The following ACTN4 variants were observed in gnomAD, a reference collection of about 807,000 sequenced individuals.
ACTN4 encodes the protein alpha-actinin-4.
Under a neutral mutation model 114.2 loss-of-function variants are expected in ACTN4, and 18 were observed. The ratio of observed to expected loss-of-function variants is 0.16; its 90% CI spans 0.11 to 0.23. The LOEUF (loss-of-function observed/expected upper bound fraction) is 0.23. ACTN4 is among the 10% of genes least tolerant of loss of function. ACTN4 has a pLI of 1.00. For synonymous variants in ACTN4, 515 were observed against 506.3 expected, an observed-to-expected ratio of 1.02 and a Z score of -0.23; for missense variants, 722 against 1,262.9, an observed-to-expected ratio of 0.57 and a Z score of 6.49.
rs373178103 is a variant in ACTN4 at position 38,686,998 on chromosome 19, CTG to C, written c.163-13600_163-13599del. 1.4e-4 allele frequency among the ~76,000 whole-genome samples: 21 copies of C among 145,210 alleles called. No individual in the cohort carries two copies. In the South Asian group the frequency reaches 4.0e-3, roughly 27 times the overall value. On this transcript the variant is annotated intron_variant, in intron 1 of 20. Transcript: ENST00000252699. ...TTTTTTTTTGAGACAGAGTCTCACTCTGTTGCCCAGGCTGGAGTACAGTGGCA... is the reference window on the plus strand; with the variant it reads ...TTTTTTTTTGAGACAGAGTCTCACTCTTGCCCAGGCTGGAGTACAGTGGCA...
intron 3 of ACTN4, among the ~76,000 whole-genome samples, chr19:38,704,335 C>G (rs749245650): frequency 6.6e-6 from 1 of 152,144 alleles, no homozygotes; most frequent in African/African-American, 2.4e-5. Flanking sequence ...GCTGCTGTGT[C>G]GATGTGGATT....
intron 1 of ACTN4, among the ~76,000 whole-genome samples, chr19:38,667,615 G>C (rs1473345679): frequency 6.6e-6 from 1 of 151,926 alleles, no homozygotes; most frequent in Non-Finnish European, 1.5e-5. Context: ...AAGGCAGCGT[G>C]GTAAGTTAGA....
Position 38,713,257 on chromosome 19 carries a change from C to T in ACTN4, c.820-1212C>T, listed in dbSNP as rs565490885. Among the ~76,000 whole-genome samples, 11 of 152,334 alleles carry T rather than the reference C, an allele frequency of 7.2e-5. No individual in the cohort carries two copies. The South Asian group carries it at 1.7e-3, about 23-fold the overall frequency. ...TCACTCATTCAGCAACCCTGAACAC[C>T]GCCAGTGCACTGAGCCCCAAGCTGG... On this transcript the variant is annotated intron_variant, in intron 8 of 20. Transcript: ENST00000252699.
At chr19:38,688,802 G>C (rs1328639819) in intron 1 of ACTN4, among the ~76,000 whole-genome samples, 1 of 152,160 alleles carries the variant, frequency 6.6e-6, no homozygotes, top group Non-Finnish European at 1.5e-5. Flanking sequence ...CAGAAAGTCA[G>C]ATAATAAGTA....
In ACTN4 at chr19:38,729,536, C is replaced by T; in HGVS notation, c.*104C>T. On this transcript the variant is annotated 3_prime_UTR_variant, in exon 21 of 21. Coordinates refer to ENST00000252699, the MANE Select transcript of ACTN4 (RefSeq NM_004924.6). ...CTGTATCTATGCAAAGCACTCTCTG[C>T]AGTCCTCCGGGGTGGGTGGGTGGGC... is the stretch of plus-strand genomic sequence containing the variant. 1 of 625,832 alleles carries T rather than the reference C, an allele frequency of 1.6e-6. No individual in the cohort carries two copies. Among genetic ancestry groups the T allele is most frequent in the Non-Finnish European group, 2.5e-6 (1 of 404,126 alleles). 38.8% of individuals were successfully genotyped at this position (625,832 alleles called of 1,614,324 possible). A position where few individuals can be genotyped will look rare whatever the true frequency, so the allele number is the denominator to read the frequency against.
Position 38,657,413 on chromosome 19 carries a change from G to A in ACTN4, c.162+9506G>A, listed in dbSNP as rs756210880. ...CCACCTTGGCCCAACAAAGTGCTGG[G>A]GTTACAGGCATGAGCCACTGTGCCC... On this transcript the variant is annotated intron_variant, in intron 1 of 20. Transcript: ENST00000252699. Among the ~76,000 whole-genome samples, 4 of 152,112 alleles carry A rather than the reference G, an allele frequency of 2.6e-5. No homozygotes were observed. In the South Asian group the frequency reaches 6.2e-4, roughly 24 times the overall value.
At chr19:38,699,052 G>C (rs747469678) in intron 1 of ACTN4, among the ~76,000 whole-genome samples, 1 of 152,234 alleles carries the variant, frequency 6.6e-6, no homozygotes, top group Non-Finnish European at 1.5e-5. Flanking sequence ...GCAGATGGAG[G>C]GGGTGGGGTA....
At chr19:38,693,138 C>T (rs967784795) in intron 1 of ACTN4, among the ~76,000 whole-genome samples, 1 of 152,060 alleles carries the variant, frequency 6.6e-6, no homozygotes, top group Admixed American at 6.6e-5. Context: ...AGGCAGCAAA[C>T]GTTTTTTTCT....
At chr19:38,683,548 T>C (rs552813468) in intron 1 of ACTN4, among the ~76,000 whole-genome samples, 3 of 151,818 alleles carry the variant, frequency 2.0e-5, no homozygotes, top group African/African-American at 4.8e-5. Context: ...CACCAACTTT[T>C]CCCCCCCTTC....
Position 38,695,712 on chromosome 19 carries a change from C to T in ACTN4, c.163-4888C>T, listed in dbSNP as rs539128066. ...TTCTGCAGGAGGGCTTTGGCACATG[C>T]TCTTCCCAGTATCTGGAAGGTCTCC... On this transcript the variant is annotated intron_variant, in intron 1 of 20. Coordinates refer to ENST00000252699, the MANE Select transcript of ACTN4 (RefSeq NM_004924.6). Among the ~76,000 whole-genome samples the T allele has an allele frequency of 1.2e-4, 19 of 152,274 alleles. No individual in the cohort carries two copies. In the East Asian group the frequency reaches 3.3e-3, roughly 26 times the overall value.
intron 1 of ACTN4, among the ~76,000 whole-genome samples, chr19:38,660,277 T>C: frequency 6.6e-6 from 1 of 152,144 alleles, no homozygotes; most frequent in East Asian, 1.9e-4. Flanking sequence ...AGCATGCATA[T>C]AGATAATGAA....
In ACTN4 at chr19:38,666,996, A is replaced by G. The variant is rs567632495; in HGVS notation, c.162+19089A>G. The stretch of plus-strand genomic sequence containing the variant: ...ATGTGCCAGGTCTTTCAAATTGCTA[A>G]TTATCAGCGAGCATGAGGTCATCCG... On this transcript the variant is annotated intron_variant, in intron 1 of 20. Transcript: ENST00000252699. 2.0e-5 allele frequency among the ~76,000 whole-genome samples: 3 copies of G among 152,292 alleles called. No individual in the cohort carries two copies. In the East Asian group the frequency reaches 5.8e-4, roughly 29 times the overall value.
At chr19:38,708,038 G>T (rs1902319232) in intron 5 of ACTN4, 79 bp from the exon 6 acceptor site, 5 of 1,410,786 alleles carry the variant, frequency 3.5e-6, no homozygotes, top group Non-Finnish European at 5.0e-6. Flanking sequence ...ATTAGTCACT[G>T]CTGTGGGTGC....
chr19:38,709,779 A>G (rs1236419595), intron 7 of ACTN4, among the ~76,000 whole-genome samples: 1 of 152,186 alleles, frequency 6.6e-6, no homozygotes, highest in African/African-American at 2.4e-5. Flanking sequence ...AGGAAGGGCA[A>G]GGTGGCTGAG....
rs143447916 is a variant in ACTN4 at position 38,701,328 on chromosome 19, C to T, written c.397+207C>T. On this transcript the variant is annotated intron_variant, in intron 3 of 20. Coordinates refer to ENST00000252699, the MANE Select transcript of ACTN4 (RefSeq NM_004924.6). ...GCTCCCCCAAACCCTTGGAAAAATC[C>T]GGTGGGCGCAGTCCAAATCTAGGAA... Among the ~76,000 whole-genome samples, 15 of 152,272 alleles carry T rather than the reference C, an allele frequency of 9.9e-5. No individual in the cohort carries two copies. The East Asian group carries it at 2.3e-3, about 23-fold the overall frequency.
chr19:38,675,518 G>A (rs946828059), intron 1 of ACTN4, among the ~76,000 whole-genome samples: 1 of 152,246 alleles, frequency 6.6e-6, no homozygotes, highest in Non-Finnish European at 1.5e-5. Context: ...ACAGGCGTGA[G>A]CCGCTGCCCC....
chr19:38,724,641 C>T lies in ACTN4; in HGVS notation c.2010+76C>T, dbSNP rs1279753081. ...CGTAGTGAGGGGGTCCCCGGCCAGC[C>T]CAGGGCCTGCAGACTGAGGCGCCTG... On this transcript the variant is annotated intron_variant, in intron 16 of 20. Transcript: ENST00000252699. The surrounding 1 kb of genome is among the most constrained non-coding windows in gnomAD (Gnocchi z 7.0). 6.2e-7 allele frequency: 1 copy of T among 1,604,622 alleles called. No homozygotes were observed. The highest frequency in any genetic ancestry group is 2.2e-5 in the East Asian group (1 of 44,874).
Position 38,724,076 on chromosome 19 carries a change from A to C in ACTN4, c.1691A>C (p.Glu564Ala). Reference sequence around the variant, plus strand: ...ATCGTCCATACCATCGAGGAGATTGAGGTTCGCACCCCCCGGCCCCCCATC... The same window carrying C: ...ATCGTCCATACCATCGAGGAGATTGCGGTTCGCACCCCCCGGCCCCCCATC... ...MFIVHTIEEI[E>A]GLISAHDQFK... Residue 564 changes from glutamate (E) to alanine (A), a missense_variant and splice_region_variant, in exon 14 of 21, where the codon GAG (glutamate) becomes GCG (alanine). Transcript: ENST00000252699. The surrounding 1 kb of genome is among the most constrained non-coding windows in gnomAD (Gnocchi z 7.0). 6.2e-7 allele frequency: 1 copy of C among 1,613,640 alleles called. No homozygotes were observed. Among genetic ancestry groups the C allele is most frequent in the Non-Finnish European group, 8.5e-7 (1 of 1,179,990 alleles).
intron 11 of ACTN4, among the ~76,000 whole-genome samples, chr19:38,719,549 C>T (rs570827122): frequency 2.0e-4 from 30 of 152,246 alleles, no homozygotes; most frequent in Non-Finnish European, 2.8e-4. Flanking sequence ...CTGGCCAGGC[C>T]GGGTGCCGCA....
Sources: gnomAD v4.1 joint callset for allele counts (sites outside exome capture counted in the v4.1 genomes callset) on GRCh38, gnomAD v4.1.1 for gene constraint, Gnocchi (gnomAD v3.1) non-coding constraint, MANE v1.5 for transcripts, NCBI Gene and HGNC (gene_info 2026-07-23, HGNC 2026-07-21) for gene names.